Variants in JCAD observed in about 807,000 individuals in gnomAD.
JCAD encodes junctional cadherin 5 associated.
JCAD carries 40 observed loss-of-function variants against 98.0 expected under a neutral mutation model. The ratio of observed to expected loss-of-function variants is 0.41; its 90% CI spans 0.32 to 0.53. The LOEUF (loss-of-function observed/expected upper bound fraction) is 0.53, where lower values mean the gene tolerates loss of function less well. JCAD is among the 20% of genes least tolerant of loss of function. The pLI, the probability that JCAD is intolerant of heterozygous loss-of-function variation, is 0.31. For synonymous variants in JCAD, 691 were observed against 682.3 expected, an observed-to-expected ratio of 1.01 and a Z score of -0.20; for missense variants, 1,705 against 1,738.1, an observed-to-expected ratio of 0.98 and a Z score of 0.34.
upstream of JCAD, among the ~76,000 whole-genome samples, chr10:30,060,426 C>A (rs1027209001): frequency 6.6e-6 from 1 of 152,168 alleles, no homozygotes; most frequent in Non-Finnish European, 1.5e-5. Flanking sequence ...TCTCTTACAG[C>A]GGGAAGGGGC....
intron 2 of JCAD, among the ~76,000 whole-genome samples, chr10:30,030,121 C>T (rs992653490): frequency 3.9e-5 from 6 of 152,294 alleles, no homozygotes; most frequent in African/African-American, 7.2e-5. Flanking sequence ...TGTACTCCAG[C>T]GATGTCAAGG....
chr10:30,029,061 G>T lies in JCAD; in HGVS notation c.1087C>A (p.Pro363Thr). The T allele has an allele frequency of 1.2e-6, 2 of 1,614,110 alleles. No individual in the cohort carries two copies. The highest frequency in any genetic ancestry group is 3.3e-5 in the Admixed American group (2 of 60,014). Residue 363 changes from proline (P) to threonine (T), a missense_variant, in exon 3 of 4, where the codon CCC becomes ACC. Physicochemically the swap from Pro to Thr is conservative, Grantham distance 38. Around this residue, in one of 3 missense-constraint regions of JCAD, gnomAD observed 275 missense variants for 346.9 expected, o/e 0.79. Coordinates refer to ENST00000375377, the MANE Select transcript of JCAD (RefSeq NM_020848.4). ...CTGTGACCGCCACACACATTTATGGGCACCGTGTCTTCCAAGTAGGGGTTT... is the reference window on the plus strand; with the variant it reads ...CTGTGACCGCCACACACATTTATGGTCACCGTGTCTTCCAAGTAGGGGTTT... The part of the protein sequence containing the change: ...IPNPYLEDTV[P>T]INVCGGHSQQ...
chr10:30,095,387 G>A (rs1211144497), intron 1 of JCAD, among the ~76,000 whole-genome samples: 1 of 152,154 alleles, frequency 6.6e-6, no homozygotes, highest in African/African-American at 2.4e-5. Flanking sequence ...ATTAATTCCT[G>A]GGCCAGCCTT....
At position 30,029,704 on chromosome 10, in the gene JCAD, G is replaced by A. The variant is rs183484624; in HGVS notation, c.444C>T (p.His148=). ...CAACTTCCCATGGACCCTCCCTCAC[G>A]TGGACAGGCAGGCTGTGGGCTTGGG... is the stretch of plus-strand genomic sequence containing the variant. ...GMAQAHSLPV[H]VREGPWEVGG... Residue 148 remains histidine, a synonymous_variant, in exon 3 of 4, where the codon CAC becomes CAT. Transcript: ENST00000375377. 38 of 1,614,196 alleles carry A rather than the reference G, an allele frequency of 2.4e-5. No individual in the cohort carries two copies. The East Asian group carries it at 5.8e-4, about 25-fold the overall frequency.
intron 1 of JCAD, among the ~76,000 whole-genome samples, chr10:30,097,800 A>G (rs1838399351): frequency 6.6e-6 from 1 of 152,134 alleles, no homozygotes; most frequent in Non-Finnish European, 1.5e-5. Flanking sequence ...GAAAAGAGAC[A>G]CGGGTACAAT....
chr10:30,105,480 C>T (rs557819924), intron 1 of JCAD, among the ~76,000 whole-genome samples: 2 of 151,890 alleles, frequency 1.3e-5, no homozygotes, highest in African/African-American at 2.4e-5. Flanking sequence ...CGTGCCACCA[C>T]ACCCAGCTAA....
At chr10:30,019,217 C>G (rs146722954) in intron 3 of JCAD, among the ~76,000 whole-genome samples, 1 of 151,868 alleles carries the variant, frequency 6.6e-6, no homozygotes, top group Non-Finnish European at 1.5e-5. Context: ...ATTAACCAGG[C>G]ATGGTGGTAC....
At chr10:30,083,754 G>A (rs77471080) in intron 1 of JCAD, among the ~76,000 whole-genome samples, 2,314 of 152,250 alleles carry the variant, frequency 0.015, 37 homozygotes, top group Middle Eastern at 0.061. Context: ...GTGGCTGGGC[G>A]CGATACTCAT....
At chr10:30,113,504 T>C (rs1160889075) in intron 1 of JCAD, among the ~76,000 whole-genome samples, 12 of 128,938 alleles carry the variant, frequency 9.3e-5, no homozygotes, top group South Asian at 2.4e-4. Flanking sequence ...TGAGCCAAGA[T>C]CGTGCCACTG....
At chr10:30,100,580 C>G (rs1219593368) in intron 1 of JCAD, among the ~76,000 whole-genome samples, 1 of 152,154 alleles carries the variant, frequency 6.6e-6, no homozygotes, top group East Asian at 1.9e-4. Context: ...GATGGGGTTT[C>G]ACCAAGTTGG....
chr10:30,062,342 G>A (rs1263573432), upstream of JCAD, among the ~76,000 whole-genome samples: 1 of 152,086 alleles, frequency 6.6e-6, no homozygotes, highest in Non-Finnish European at 1.5e-5. Context: ...TCTTTCCTCA[G>A]TACTGATGTA....
In JCAD at chr10:30,106,455, C is replaced by T. The variant is rs148095324; in HGVS notation, n.128+8912G>A. Among the ~76,000 whole-genome samples the T allele has an allele frequency of 5.4e-3, 824 of 151,986 alleles. 7 individuals carry two copies. Among genetic ancestry groups the T allele is most frequent in the African/African-American group, 0.019 (783 of 41,422 alleles). On this transcript the variant is annotated intron_variant and non_coding_transcript_variant, in intron 1 of 2. Coordinates refer to the JCAD transcript ENST00000465712. ...AAAAAAAAAGTACAACGCAAAAAGG[C>T]AGATGTGTCCCTGTAGAACTTTGTC...
chr10:30,102,382 C>T (rs115521476), intron 1 of JCAD, among the ~76,000 whole-genome samples: 2,851 of 151,992 alleles, frequency 0.019, 85 homozygotes, highest in African/African-American at 0.064. Flanking sequence ...TGCTGGCCGG[C>T]CTGGTCTCAA....
intron 2 of JCAD, among the ~76,000 whole-genome samples, chr10:30,067,252 G>A (rs1367614291): frequency 6.6e-6 from 1 of 152,054 alleles, no homozygotes; most frequent in Non-Finnish European, 1.5e-5. Context: ...AGAGAATGGT[G>A]TATCAGGCTT....
intron 1 of JCAD, among the ~76,000 whole-genome samples, chr10:30,070,791 G>A (rs1219469378): frequency 6.6e-6 from 1 of 152,156 alleles, no homozygotes; most frequent in Non-Finnish European, 1.5e-5. Context: ...TTGGGGTCAG[G>A]GGCTACCTAT....
upstream of JCAD, among the ~76,000 whole-genome samples, chr10:30,060,319 C>T (rs1031050866): frequency 6.6e-6 from 1 of 151,770 alleles, no homozygotes; most frequent in South Asian, 2.1e-4. Flanking sequence ...GCCTACAGGG[C>T]AGGGGTAGGA....
At chr10:30,107,997 AAT>A (rs1193505818) in intron 1 of JCAD, among the ~76,000 whole-genome samples, 4 of 152,086 alleles carry the variant, frequency 2.6e-5, no homozygotes, top group Admixed American at 1.3e-4. Context: ...ATGTTCCAGA[AAT>A]ATGTCAGGAG....
chr10:30,058,098 C>T (rs148893630), intron 1 of JCAD, among the ~76,000 whole-genome samples: 3 of 152,284 alleles, frequency 2.0e-5, no homozygotes, highest in East Asian at 3.9e-4. Flanking sequence ...TCTGGCTGCC[C>T]GAATCCTACC....
Position 30,028,269 on chromosome 10 carries a change from T to G in JCAD, c.1879A>C (p.Met627Leu). ...TGCAGCTCCAGGTCGGTGGAAGACA[T>G]GCTCAGCAGACTCTGTTCTTGCAGA... ...PALQEQSLLS[M>L]SSTDLELQAL... The change falls in exon 3 of 4, where the codon ATG (methionine) becomes CTG (leucine). Residue 627 changes from methionine to leucine, a missense_variant. By Grantham distance (15) the Met-to-Leu change is conservative. This residue lies in a region of JCAD where 1,278 missense variants were observed against 1,243.1 expected (regional missense o/e 1.03). Transcript: ENST00000375377. 6.2e-7 allele frequency: 1 copy of G among 1,614,248 alleles called. No individual in the cohort carries two copies. Among genetic ancestry groups the G allele is most frequent in the Non-Finnish European group, 8.5e-7 (1 of 1,180,052 alleles).
Sources: gnomAD v4.1 joint callset for allele counts (sites outside exome capture counted in the v4.1 genomes callset) on GRCh38, gnomAD v4.1.1 for gene constraint, gnomAD v4.1.1 regional missense constraint, MANE v1.5 for transcripts, NCBI Gene and HGNC (gene_info 2026-07-23, HGNC 2026-07-21) for gene names.